Variants in ARSL observed in about 807,000 individuals in gnomAD.
The protein encoded by ARSL is arylsulfatase E (chondrodysplasia punctata 1).
In ARSL, 4 loss-of-function variants were observed where a neutral mutation model predicts 31.1. That is an observed-to-expected ratio of 0.13 (90% CI 0.06 to 0.29). The LOEUF (loss-of-function observed/expected upper bound fraction) is 0.29, where lower values mean the gene tolerates loss of function less well. ARSL is among the 10% of genes least tolerant of loss of function. ARSL has a pLI of 1.00. For missense variants in ARSL, 312 were observed against 497.8 expected (o/e 0.63, Z 3.55); for synonymous variants, 198 against 209.9 (o/e 0.94, Z 0.49).
At chrX:2,951,356 G>T (rs2089457295) in intron 5 of ARSL, among the ~76,000 whole-genome samples, 1 of 110,918 alleles carries the variant, frequency 9.0e-6, no homozygotes, top group Non-Finnish European at 1.9e-5. Context: ...TATAGTCTTT[G>T]CTTCCATGTA....
intron 4 of ARSL, among the ~76,000 whole-genome samples, chrX:2,954,277 C>A (rs1310349999): frequency 9.0e-6 from 1 of 111,255 alleles, no homozygotes; most frequent in African/African-American, 3.3e-5. Flanking sequence ...CATTCCAAAT[C>A]TCTACCCAAG....
upstream of ARSL, among the ~76,000 whole-genome samples, chrX:2,966,898 A>G (rs989537619): frequency 2.7e-5 from 3 of 110,516 alleles, no homozygotes; most frequent in African/African-American, 9.8e-5. Context: ...GTATGCTTAT[A>G]TGTATATAAT....
upstream of ARSL, among the ~76,000 whole-genome samples, chrX:2,965,432 C>T (rs866425151): frequency 9.2e-6 from 1 of 108,574 alleles, no homozygotes; most frequent in Middle Eastern, 4.8e-3. Context: ...ACCCCGGAGT[C>T]GGAGGTTACA....
intron 1 of ARSL, 45 bp downstream of exon 1, chrX:2,964,179 T>C: frequency 1.3e-6 from 1 of 754,106 alleles, no homozygotes; most frequent in South Asian, 6.8e-5. Flanking sequence ...TCATGCCTGG[T>C]CACGGAGCCC....
In ARSL at chrX:2,953,246, A is replaced by G. The variant is rs768024198; in HGVS notation, c.327T>C (p.Gly109=). ...CTCCGGTCCACTGAAGAACACGGTA[A>G]CCAATGCTGGAAACCATCCCTTTGA... ...PVRSGMVSSI[G]YRVLQWTGAS... is the part of the protein sequence containing the mutation. Residue 109 remains glycine (G), a synonymous_variant, in exon 5 of 11, where the codon GGT becomes GGC. Transcript: ENST00000381134. The G allele has an allele frequency of 3.3e-6, 4 of 1,210,469 alleles. No homozygotes were observed. In the Admixed American group the frequency reaches 8.7e-5, roughly 26 times the overall value.
intron 4 of ARSL, among the ~76,000 whole-genome samples, chrX:2,953,904 A>G (rs1417184874): frequency 9.0e-6 from 1 of 110,579 alleles, no homozygotes; most frequent in African/African-American, 3.3e-5. Context: ...ATTTTTTGGC[A>G]GAGACGGGGT....
At chrX:2,945,577 T>C (rs2089366984) in intron 7 of ARSL, among the ~76,000 whole-genome samples, 1 of 111,754 alleles carries the variant, frequency 8.9e-6, no homozygotes, top group African/African-American at 3.3e-5. Flanking sequence ...TTTGGAGTCA[T>C]TATTCTGTCT....
chrX:2,935,127 C>G lies in ARSL; in HGVS notation c.1475G>C (p.Cys492Ser). 1 of 1,211,528 alleles carries G rather than the reference C, an allele frequency of 8.3e-7. No homozygotes were observed. The highest frequency in any genetic ancestry group is 1.1e-6 in the Non-Finnish European group (1 of 895,448). Residue 492 changes from cysteine to serine, a missense_variant, in exon 11 of 11, where the codon TGC becomes TCC. By Grantham distance (112) the Cys-to-Ser change is moderately radical. Transcript: ENST00000381134. ...GCACGGGCAGACCTTTCTTCCATAG[C>G]AGGCACCGGCTCCCTCTGGCTGGAA... The part of the protein sequence containing the change: ...PVFQPEGAGA[C>S]YGRKVCPCFG...
At chrX:2,966,932 T>C (rs916676692), upstream of ARSL, among the ~76,000 whole-genome samples, 5 of 110,941 alleles carry the variant, frequency 4.5e-5, no homozygotes, top group South Asian at 1.8e-3. Context: ...TGCATGTATA[T>C]ATACATACAT....
chrX:2,967,231 CAT>C (rs1294468814), upstream of ARSL, among the ~76,000 whole-genome samples: 1 of 111,466 alleles, frequency 9.0e-6, no homozygotes, highest in Non-Finnish European at 1.9e-5. Flanking sequence ...TTTGAACAGT[CAT>C]ATGACGTACG....
Position 2,960,363 on chromosome X carries a change from A to G in ARSL, c.23+15T>C, listed in dbSNP as rs773911830. The G allele has an allele frequency of 5.3e-6, 6 of 1,124,420 alleles. No homozygotes were observed. Among genetic ancestry groups the G allele is most frequent in the Non-Finnish European group, 7.3e-6 (6 of 820,035 alleles). 92.7% of individuals were successfully genotyped at this position (1,124,420 alleles called of 1,213,427 possible). ...GAAAGGAGACTACTAATGAGTGCATATAATTGTATCTTACCAAGAATGGTG... is the reference window on the plus strand; with the variant it reads ...GAAAGGAGACTACTAATGAGTGCATGTAATTGTATCTTACCAAGAATGGTG... On this transcript the variant is annotated intron_variant, in intron 2 of 10. Transcript: ENST00000381134.
At chrX:2,944,257 C>G (rs182349144) in intron 7 of ARSL, among the ~76,000 whole-genome samples, 2 of 109,203 alleles carry the variant, frequency 1.8e-5, no homozygotes, top group South Asian at 8.0e-4. Flanking sequence ...AGTTCGAGAC[C>G]AGCCTGGCCA....
At chrX:2,949,205 A>T in intron 6 of ARSL, 99 bp downstream of exon 6, 1 of 1,058,841 alleles carries the variant, frequency 9.4e-7, no homozygotes, top group Non-Finnish European at 1.3e-6. Context: ...CACTGGGATT[A>T]CAGGAATGAG....
chrX:2,960,811 T>A (rs1302945366), intron 1 of ARSL, among the ~76,000 whole-genome samples: 2 of 110,895 alleles, frequency 1.8e-5, no homozygotes, highest in Non-Finnish European at 3.8e-5. Flanking sequence ...GCAGGGGTGA[T>A]TCCTAATGTC....
At chrX:2,968,070 C>A, upstream of ARSL, 1 of 1,096,472 alleles carries the variant, frequency 9.1e-7, no homozygotes, top group South Asian at 2.0e-5. Flanking sequence ...CGCAGTTTAG[C>A]ATAAAAGAAT....
chrX:2,938,144 C>G lies in ARSL; in HGVS notation c.1240G>C (p.Val414Leu). Residue 414 changes from valine to leucine, a missense_variant, in exon 9 of 11, where the codon GTG (valine) becomes CTG (leucine). Coordinates refer to ENST00000381134, the MANE Select transcript of ARSL (RefSeq NM_000047.3). ...GCCAGCCGGACCACGGTGGGGAACA[C>G]GTCCATCAGACTCGTGGGCTCGCCA... is the stretch of plus-strand genomic sequence containing the variant. ...VIGEPTSLMDVFPTVVRLAGG... is the reference protein window; with the variant it reads ...VIGEPTSLMDLFPTVVRLAGG... The G allele has an allele frequency of 5.8e-6, 7 of 1,212,094 alleles. No homozygotes were observed. Among genetic ancestry groups the G allele is most frequent in the Non-Finnish European group, 6.7e-6 (6 of 895,618 alleles).
chrX:2,953,076 A>G lies in ARSL; in HGVS notation c.430+67T>C, dbSNP rs1603462223. On this transcript the variant is annotated intron_variant, in intron 5 of 10. Coordinates refer to ENST00000381134, the MANE Select transcript of ARSL (RefSeq NM_000047.3). ...AGCACCTCACCCACTTTCCTTTCCAAACTCTTTAGCTGAATGTCCCTTCCA... is the reference window on the plus strand; with the variant it reads ...AGCACCTCACCCACTTTCCTTTCCAGACTCTTTAGCTGAATGTCCCTTCCA... The G allele has an allele frequency of 6.8e-6, 8 of 1,169,299 alleles. No individual in the cohort carries two copies. In the East Asian group the frequency reaches 2.5e-4, roughly 36 times the overall value.
At chrX:2,938,380 TTCTCTC>T (rs34095951) in intron 8 of ARSL, 123 bp from the exon 9 acceptor site, 7 of 746,252 alleles carry the variant, frequency 9.4e-6, no homozygotes, top group African/African-American at 4.1e-5. Context: ...GTCTCTCAAT[TTCTCTC>T]TCTCTCTCTC....
chrX:2,963,980 G>A (rs2089674579), intron 1 of ARSL, among the ~76,000 whole-genome samples: 1 of 111,600 alleles, frequency 9.0e-6, no homozygotes, highest in South Asian at 3.8e-4. Context: ...CTGTGACATT[G>A]AGGTGACCCA....
Sources: gnomAD v4.1 joint callset for allele counts (sites outside exome capture counted in the v4.1 genomes callset) on GRCh38, gnomAD v4.1.1 for gene constraint, MANE v1.5 for transcripts, NCBI Gene and HGNC (gene_info 2026-07-23, HGNC 2026-07-21) for gene names.